Variants in FHIT observed in about 807,000 individuals in gnomAD.
The protein encoded by FHIT is bis(5'-adenosyl)-triphosphatase.
Under a neutral mutation model 17.9 loss-of-function variants are expected in FHIT, and 19 were observed. The ratio of observed to expected loss-of-function variants is 1.06; its 90% CI spans 0.74 to 1.56. FHIT has a LOEUF of 1.56. FHIT is among the 40% of genes most tolerant of loss of function. The probability of loss-of-function intolerance (pLI) is 0.00; values close to 1 mark genes in which losing one functional copy is unlikely to be tolerated. For missense variants in FHIT, 248 were observed against 189.2 expected, an observed-to-expected ratio of 1.31 and a Z score of -1.82; for synonymous variants, 81 against 69.7, an observed-to-expected ratio of 1.16 and a Z score of -0.81.
intron 5 of FHIT, among the ~76,000 whole-genome samples, chr3:60,300,245 CT>C (rs1309751235): frequency 6.6e-6 from 1 of 152,038 alleles, no homozygotes; most frequent in Non-Finnish European, 1.5e-5. Flanking sequence ...TGAAAGTCCC[CT>C]TGTTTTACTT....
intron 8 of FHIT, among the ~76,000 whole-genome samples, chr3:59,783,074 T>C (rs1702671271): frequency 6.6e-6 from 1 of 152,148 alleles, no homozygotes; most frequent in Admixed American, 6.5e-5. Flanking sequence ...CTCTTCTGAT[T>C]GGCTGCCTGG....
At position 60,117,756 on chromosome 3, in the gene FHIT, G is replaced by C. The variant is rs559037570; in HGVS notation, c.104-103604C>G. Among the ~76,000 whole-genome samples the C allele has an allele frequency of 4.6e-5, 7 of 152,174 alleles. No homozygotes were observed. The South Asian group carries it at 1.5e-3, about 32-fold the overall frequency. On this transcript the variant is annotated intron_variant, in intron 5 of 9. Coordinates refer to ENST00000492590, the MANE Select transcript of FHIT (RefSeq NM_002012.4). ...TAAAAAGTTGGCTGCAAGGGTAGAT[G>C]ATGAAGGTTAAGAAGATGTAGGACT... is the stretch of plus-strand genomic sequence containing the variant.
intron 7 of FHIT, among the ~76,000 whole-genome samples, chr3:59,993,205 G>A (rs987121026): frequency 1.3e-5 from 2 of 151,964 alleles, no homozygotes; most frequent in South Asian, 2.1e-4. Context: ...TGGTCGTTAC[G>A]ACATGTTGCC....
intron 1 of FHIT, among the ~76,000 whole-genome samples, chr3:61,242,590 C>T (rs2040398527): frequency 6.6e-6 from 1 of 152,112 alleles, no homozygotes; most frequent in Non-Finnish European, 1.5e-5. Flanking sequence ...GGAATTGCAA[C>T]AGAGAAAGAA....
chr3:61,047,518 G>C (rs1328274399), intron 2 of FHIT, among the ~76,000 whole-genome samples: 1 of 152,180 alleles, frequency 6.6e-6, no homozygotes, highest in Non-Finnish European at 1.5e-5. Context: ...TATGCTCATG[G>C]ATAGGAAGAA....
At chr3:60,713,283 T>G (rs1464750552) in intron 4 of FHIT, among the ~76,000 whole-genome samples, 5 of 149,870 alleles carry the variant, frequency 3.3e-5, no homozygotes, top group Admixed American at 6.7e-5. Context: ...AAGCAGTGTG[T>G]AGAGGGAAAT....
intron 2 of FHIT, among the ~76,000 whole-genome samples, chr3:61,178,415 G>A (rs761629203): frequency 6.6e-6 from 1 of 151,136 alleles, no homozygotes; most frequent in Non-Finnish European, 1.5e-5. Context: ...AGGGTGAGGT[G>A]GTGGGCATTG....
intron 4 of FHIT, among the ~76,000 whole-genome samples, chr3:60,817,953 T>C (rs1204309690): frequency 1.3e-5 from 2 of 148,770 alleles, no homozygotes; most frequent in Non-Finnish European, 2.9e-5. Context: ...TTTTAAGTCT[T>C]TTTTTCTGTC....
At chr3:59,878,970 A>G (rs1295008806) in intron 8 of FHIT, among the ~76,000 whole-genome samples, 1 of 151,736 alleles carries the variant, frequency 6.6e-6, no homozygotes, top group East Asian at 1.9e-4. Flanking sequence ...TTTTCTGTCT[A>G]TTTCGCATAG....
At chr3:60,192,349 A>G (rs1167724132) in intron 5 of FHIT, among the ~76,000 whole-genome samples, 3 of 152,084 alleles carry the variant, frequency 2.0e-5, no homozygotes, top group African/African-American at 7.2e-5. Flanking sequence ...AAGCAAGGAG[A>G]CAAATGCAGA....
At chr3:60,064,395 CCCTCATA>C (rs1702413792) in intron 5 of FHIT, among the ~76,000 whole-genome samples, 1 of 152,188 alleles carries the variant, frequency 6.6e-6, no homozygotes, top group African/African-American at 2.4e-5. Flanking sequence ...AACCAAACCA[CCCTCATA>C]CCTTGTCCAC....
chr3:60,776,255 G>A (rs923682777), intron 4 of FHIT, among the ~76,000 whole-genome samples: 1 of 152,132 alleles, frequency 6.6e-6, no homozygotes, highest in African/African-American at 2.4e-5. Context: ...TTCTCTTAAA[G>A]GGCCCCACCC....
At chr3:60,725,225 T>A (rs1007064256) in intron 4 of FHIT, among the ~76,000 whole-genome samples, 41 of 152,336 alleles carry the variant, frequency 2.7e-4, no homozygotes, top group Non-Finnish European at 5.1e-4. Context: ...AAAACACTTC[T>A]TCCATTTTGT....
intron 4 of FHIT, among the ~76,000 whole-genome samples, chr3:60,680,756 G>T (rs2040728070): frequency 6.6e-6 from 1 of 152,140 alleles, no homozygotes; most frequent in African/African-American, 2.4e-5. Context: ...CATTTCAGAA[G>T]TTGCTGATGC....
At chr3:60,826,152 TGGAAGGAAGGAAGGAAGGAAGGAA>T (rs201232384) in intron 3 of FHIT, among the ~76,000 whole-genome samples, 2,447 of 128,314 alleles carry the variant, frequency 0.019, 59 homozygotes, top group African/African-American at 0.055. Context: ...GATGAATGGA[TGGAAGGAAGGAAGGAAGGAAGGAA>T]GGAAGGAAGG....
intron 1 of FHIT, among the ~76,000 whole-genome samples, chr3:61,236,330 T>C (rs922965860): frequency 2.0e-5 from 3 of 151,350 alleles, no homozygotes; most frequent in Admixed American, 1.3e-4. Context: ...TCAATCCCTG[T>C]GACCTGCCAA....
Position 60,960,889 on chromosome 3 carries a change from A to G in FHIT, c.-111+81158T>C, listed in dbSNP as rs913037411. 2.0e-5 allele frequency among the ~76,000 whole-genome samples: 3 copies of G among 152,218 alleles called. No homozygotes were observed. In the East Asian group the frequency reaches 5.8e-4, roughly 29 times the overall value. On this transcript the variant is annotated intron_variant, in intron 3 of 9. Transcript: ENST00000492590. ...GCTATTGTAAATAGTGCCACAATAAACACACGTGTGCATGTGTCTTTATAG... is the reference window on the plus strand; with the variant it reads ...GCTATTGTAAATAGTGCCACAATAAGCACACGTGTGCATGTGTCTTTATAG...
At chr3:60,709,522 G>T (rs1478290548) in intron 4 of FHIT, among the ~76,000 whole-genome samples, 1 of 152,102 alleles carries the variant, frequency 6.6e-6, no homozygotes, top group African/African-American at 2.4e-5. Context: ...TCTGTTATGT[G>T]AAAAATCCAT....
chr3:60,364,218 T>C (rs1439834445), intron 5 of FHIT, among the ~76,000 whole-genome samples: 3 of 152,236 alleles, frequency 2.0e-5, no homozygotes, highest in African/African-American at 7.2e-5. Flanking sequence ...AGTCATTCCA[T>C]GCTTTTCTAC....
Sources: gnomAD v4.1 joint callset for allele counts (sites outside exome capture counted in the v4.1 genomes callset) on GRCh38, gnomAD v4.1.1 for gene constraint, MANE v1.5 for transcripts, NCBI Gene and HGNC (gene_info 2026-07-23, HGNC 2026-07-21) for gene names.